The following TLN2 variants were observed in gnomAD, a reference collection of about 807,000 sequenced individuals.
TLN2 encodes talin-2.
A neutral mutation model predicts 294.7 loss-of-function variants in TLN2; 118 were observed. The ratio of observed to expected loss-of-function variants is 0.40; its 90% confidence interval spans 0.34 to 0.47. The LOEUF (loss-of-function observed/expected upper bound fraction) is 0.47. TLN2 is among the 20% of genes least tolerant of loss of function. The probability of loss-of-function intolerance (pLI) is 0.84; values close to 1 mark genes in which losing one functional copy is unlikely to be tolerated. For missense variants in TLN2, 3,083 were observed against 3,282.2 expected, an observed-to-expected ratio of 0.94 and a Z score of 1.48; for synonymous variants, 1,431 against 1,304.5, an observed-to-expected ratio of 1.10 and a Z score of -2.09.
At chr15:62,482,430 C>G (rs554226065) in intron 1 of TLN2, among the ~76,000 whole-genome samples, 3 of 151,270 alleles carry the variant, frequency 2.0e-5, no homozygotes, top group African/African-American at 7.3e-5. Context: ...TGGAGAAACC[C>G]CATCTCTGCT....
At chr15:62,645,680 T>C (rs1050645391) in intron 3 of TLN2, among the ~76,000 whole-genome samples, 4 of 152,178 alleles carry the variant, frequency 2.6e-5, no homozygotes, top group African/African-American at 9.7e-5. Flanking sequence ...CTTGTGGCCA[T>C]CTTGTTGCCT....
intron 55 of TLN2, 111 bp downstream of exon 55, chr15:62,833,740 T>C: frequency 7.0e-7 from 1 of 1,425,732 alleles, no homozygotes; most frequent in South Asian, 1.5e-5. Context: ...ATGCAGTGCC[T>C]TCCCTCCCTG....
chr15:62,733,387 G>A, intron 28 of TLN2, among the ~76,000 whole-genome samples: 1 of 152,172 alleles, frequency 6.6e-6, no homozygotes, highest in South Asian at 2.1e-4. Context: ...CTTCTCCATG[G>A]GTCTCAGTTT....
intron 48 of TLN2, among the ~76,000 whole-genome samples, chr15:62,798,021 A>C (rs902106362): frequency 6.6e-6 from 1 of 152,192 alleles, no homozygotes; most frequent in African/African-American, 2.4e-5. Context: ...CGCGGGCATC[A>C]TGTTGCCAGG....
At chr15:62,575,465 A>G (rs944682614) in intron 1 of TLN2, among the ~76,000 whole-genome samples, 5 of 152,180 alleles carry the variant, frequency 3.3e-5, no homozygotes, top group African/African-American at 1.2e-4. Flanking sequence ...GCTATATAGA[A>G]TTTTCTAAGT....
intron 45 of TLN2, among the ~76,000 whole-genome samples, chr15:62,789,513 G>A (rs750467416): frequency 1.4e-4 from 22 of 152,180 alleles, no homozygotes; most frequent in African/African-American, 4.1e-4. Flanking sequence ...TTTTTAGAGC[G>A]TAGCCTTTGG....
chr15:62,709,063 G>A (rs1170378720), intron 21 of TLN2, among the ~76,000 whole-genome samples: 2 of 152,198 alleles, frequency 1.3e-5, no homozygotes, highest in Non-Finnish European at 2.9e-5. Context: ...CCTTTGTTCT[G>A]CGAATGCACG....
At chr15:62,396,636 C>G (rs904395627) in intron 1 of TLN2, among the ~76,000 whole-genome samples, 1 of 152,080 alleles carries the variant, frequency 6.6e-6, no homozygotes, top group Non-Finnish European at 1.5e-5. Context: ...CAAGCACTCT[C>G]CTTTATCTTA....
intron 34 of TLN2, among the ~76,000 whole-genome samples, chr15:62,750,860 A>G (rs2061898301): frequency 2.0e-5 from 3 of 152,192 alleles, no homozygotes; most frequent in East Asian, 1.9e-4. Context: ...CAAATCGTGT[A>G]TTTTCTACAC....
At chr15:62,492,585 A>C (rs547932943) in intron 1 of TLN2, among the ~76,000 whole-genome samples, 6 of 151,868 alleles carry the variant, frequency 4.0e-5, no homozygotes, top group Admixed American at 1.3e-4. Flanking sequence ...AAACTATTCC[A>C]ATAATCCCAA....
intron 1 of TLN2, among the ~76,000 whole-genome samples, chr15:62,448,748 A>G (rs777250736): frequency 2.0e-5 from 3 of 152,248 alleles, no homozygotes; most frequent in Non-Finnish European, 4.4e-5. Context: ...TAGATTCACT[A>G]TGTTAGCCCA....
intron 1 of TLN2, among the ~76,000 whole-genome samples, chr15:62,520,131 C>T (rs1057083955): frequency 6.6e-6 from 1 of 152,218 alleles, no homozygotes; most frequent in African/African-American, 2.4e-5. Context: ...AGTTTTCTGC[C>T]ACCAGGTCCC....
chr15:62,665,107 C>T (rs1176883867), intron 9 of TLN2, among the ~76,000 whole-genome samples: 1 of 152,132 alleles, frequency 6.6e-6, no homozygotes, highest in Non-Finnish European at 1.5e-5. Flanking sequence ...AGGTGTCACT[C>T]TGTCACCCAG....
intron 1 of TLN2, among the ~76,000 whole-genome samples, chr15:62,507,198 C>G (rs1235029017): frequency 6.6e-6 from 1 of 152,106 alleles, no homozygotes; most frequent in Non-Finnish European, 1.5e-5. Context: ...TTAAAAGATA[C>G]TGTTCTTTTT....
chr15:62,827,717 G>T (rs142593151), intron 54 of TLN2: 7 of 152,148 alleles, frequency 4.6e-5, no homozygotes, highest in Non-Finnish European at 8.8e-5. Flanking sequence ...ACATAACAGG[G>T]TTTAGACAGA....
intron 1 of TLN2, among the ~76,000 whole-genome samples, chr15:62,466,727 A>T (rs1011449673): frequency 2.6e-5 from 4 of 152,234 alleles, no homozygotes; most frequent in Non-Finnish European, 4.4e-5. Context: ...TGTTGATAGG[A>T]AAGTGGTCAA....
chr15:62,507,052 T>A (rs1184606905), intron 1 of TLN2, among the ~76,000 whole-genome samples: 1 of 152,200 alleles, frequency 6.6e-6, no homozygotes, highest in South Asian at 2.1e-4. Context: ...TCAGCTGATA[T>A]AAGGATTAGA....
chr15:62,783,031 T>C (rs555751777), intron 44 of TLN2, among the ~76,000 whole-genome samples: 10 of 152,298 alleles, frequency 6.6e-5, no homozygotes, highest in African/African-American at 2.2e-4. Context: ...CCAGCTGCCT[T>C]AGATAATTGA....
chr15:62,487,121 C>A (rs2038441068), intron 1 of TLN2, among the ~76,000 whole-genome samples: 1 of 152,196 alleles, frequency 6.6e-6, no homozygotes, highest in Non-Finnish European at 1.5e-5. Flanking sequence ...CTCCTCCTAG[C>A]ACATTTGACA....
Sources: gnomAD v4.1 joint callset for allele counts (sites outside exome capture counted in the v4.1 genomes callset) on GRCh38, gnomAD v4.1.1 for gene constraint, MANE v1.5 for transcripts, NCBI Gene and HGNC (gene_info 2026-07-23, HGNC 2026-07-21) for gene names.